Variants in ARHGAP35 observed in about 807,000 individuals in gnomAD.
The protein encoded by ARHGAP35 is rho GTPase-activating protein 35.
A neutral mutation model predicts 111.1 loss-of-function variants in ARHGAP35; 15 were observed. The ratio of observed to expected loss-of-function variants is 0.13; its 90% CI spans 0.09 to 0.21. The LOEUF (loss-of-function observed/expected upper bound fraction) is 0.21, where lower values mean the gene tolerates loss of function less well. ARHGAP35 is among the 10% of genes least tolerant of loss of function. The pLI is 1.00. For missense variants in ARHGAP35, 1,262 were observed against 1,873.0 expected (o/e 0.67, Z 6.02); for synonymous variants, 643 against 710.3 (o/e 0.91, Z 1.51).
intron 1 of ARHGAP35, among the ~76,000 whole-genome samples, chr19:46,866,987 T>C (rs2055861222): frequency 6.6e-6 from 1 of 152,194 alleles, no homozygotes; most frequent in Non-Finnish European, 1.5e-5. Flanking sequence ...TGCAAACAAA[T>C]AATTCGTGTT....
At chr19:46,869,741 A>C (rs894308292) in intron 1 of ARHGAP35, among the ~76,000 whole-genome samples, 1 of 152,070 alleles carries the variant, frequency 6.6e-6, no homozygotes, top group Admixed American at 6.6e-5. Context: ...CAAGATTATT[A>C]GATTCTTGAA....
Position 46,986,173 on chromosome 19 carries a change from T to C in ARHGAP35, c.3827-1816T>C, listed in dbSNP as rs770490588. On this transcript the variant is annotated intron_variant, in intron 3 of 6. Coordinates refer to ENST00000672722, the MANE Select transcript of ARHGAP35 (RefSeq NM_004491.5). This position sits in a 1 kb window ranked among gnomAD's most constrained non-coding sequence, Gnocchi z 4.3. ...CCCCATGTCAGTTTTCACAGTGACT[T>C]CACTGTCCTTTCGACAAAGTCCTTG... Among the ~76,000 whole-genome samples, 11 of 152,308 alleles carry C rather than the reference T, an allele frequency of 7.2e-5. No individual in the cohort carries two copies. The highest frequency in any genetic ancestry group is 1.5e-4 in the Non-Finnish European group (10 of 68,014).
chr19:46,978,425 GT>G (rs1245166243), intron 3 of ARHGAP35, among the ~76,000 whole-genome samples: 67 of 152,032 alleles, frequency 4.4e-4, no homozygotes, highest in African/African-American at 1.5e-3. Context: ...TGGGCCTGCC[GT>G]GGAAAGGAAG....
chr19:46,876,012 G>C (rs2055917241), intron 1 of ARHGAP35, among the ~76,000 whole-genome samples: 1 of 152,074 alleles, frequency 6.6e-6, no homozygotes, highest in East Asian at 1.9e-4. Flanking sequence ...GCCTAGGTTT[G>C]AGTCCCAGTC....
At chr19:46,978,957 G>A (rs1206760872) in intron 3 of ARHGAP35, among the ~76,000 whole-genome samples, 4 of 136,760 alleles carry the variant, frequency 2.9e-5, no homozygotes, top group African/African-American at 1.1e-4. Flanking sequence ...GTGTGTGGTG[G>A]GGTTTGGTGG....
At position 46,987,996 on chromosome 19, in the gene ARHGAP35, C is replaced by G; in HGVS notation, c.3834C>G (p.Ser1278Arg). Residue 1278 changes from serine (S) to arginine (R), a missense_variant, in exon 4 of 7, where the codon AGC becomes AGG. Physicochemically the swap from Ser to Arg is moderately radical, Grantham distance 110. Around this residue, in one of 8 missense-constraint regions of ARHGAP35, gnomAD observed 45 missense variants for 118.2 expected, o/e 0.38. Transcript: ENST00000672722. ...CIEYIEATGL[S>R]TEGIYRVSGN... is the part of the protein sequence containing the mutation. ...CTGCCTGTTTCTCCTCAGGACTGAG[C>G]ACGGAAGGCATCTACCGGGTCAGCG... 6.2e-7 allele frequency: 1 copy of G among 1,613,790 alleles called. No individual in the cohort carries two copies. The highest frequency in any genetic ancestry group is 1.1e-5 in the South Asian group (1 of 91,060).
intron 3 of ARHGAP35, among the ~76,000 whole-genome samples, chr19:46,952,998 G>A (rs533918083): frequency 1.3e-5 from 2 of 152,132 alleles, no homozygotes; most frequent in African/African-American, 4.8e-5. Context: ...CTCTTTAAGT[G>A]GTCCTTTGTG....
At chr19:46,866,807 ATTACT>A (rs977386136) in intron 1 of ARHGAP35, among the ~76,000 whole-genome samples, 5 of 152,150 alleles carry the variant, frequency 3.3e-5, no homozygotes, top group African/African-American at 1.2e-4. Flanking sequence ...TCACATGGAG[ATTACT>A]TTATAATTTA....
intron 2 of ARHGAP35, among the ~76,000 whole-genome samples, chr19:46,936,404 C>T (rs968656130): frequency 5.9e-5 from 9 of 152,122 alleles, no homozygotes; most frequent in East Asian, 1.9e-4. Flanking sequence ...TTTGATTAGT[C>T]GACTTTACCT....
intron 1 of ARHGAP35, among the ~76,000 whole-genome samples, chr19:46,913,748 T>G (rs2056150355): frequency 6.6e-6 from 1 of 152,176 alleles, no homozygotes; most frequent in Non-Finnish European, 1.5e-5. Context: ...AAGATAAAAG[T>G]AATTACCATT....
chr19:46,952,877 C>T (rs572471038), intron 3 of ARHGAP35, among the ~76,000 whole-genome samples: 4 of 152,180 alleles, frequency 2.6e-5, no homozygotes, highest in South Asian at 2.1e-4. Context: ...GGGGATTCGC[C>T]GTGTTGCCCA....
intron 3 of ARHGAP35, among the ~76,000 whole-genome samples, chr19:46,983,502 T>G (rs2056632129): frequency 6.6e-6 from 1 of 152,024 alleles, no homozygotes; most frequent in African/African-American, 2.4e-5. Flanking sequence ...GATGGTTGTC[T>G]GGTGAGAGGA....
At chr19:46,981,775 C>G (rs1444739541) in intron 3 of ARHGAP35, among the ~76,000 whole-genome samples, 12 of 152,326 alleles carry the variant, frequency 7.9e-5, no homozygotes, top group Non-Finnish European at 2.9e-5. Flanking sequence ...TCCCCACCAG[C>G]TCTCACCGGA....
In ARHGAP35 at chr19:46,937,551, T is replaced by C. The variant is rs1390471391; in HGVS notation, c.3826+143T>C. ...AGAAGGAGCTGAGCAGTCCCAACAGTTGTCAGATGTGTAGATTCTCCATTT... is the reference window on the plus strand; with the variant it reads ...AGAAGGAGCTGAGCAGTCCCAACAGCTGTCAGATGTGTAGATTCTCCATTT... On this transcript the variant is annotated intron_variant, in intron 3 of 6. Coordinates refer to ENST00000672722, the MANE Select transcript of ARHGAP35 (RefSeq NM_004491.5). The C allele has an allele frequency of 1.0e-5, 9 of 903,530 alleles. 1 individual carries two copies. The highest frequency in any genetic ancestry group is 1.4e-5 in the Non-Finnish European group (8 of 591,354). The allele number at this position is 903,530 out of a possible 1,614,324, so 56.0% of individuals were successfully genotyped here. A position where few individuals can be genotyped will look rare whatever the true frequency, so the allele number is the denominator to read the frequency against.
chr19:47,001,700 C>T lies in ARHGAP35; in HGVS notation c.*1012C>T, dbSNP rs557283541. The T allele has an allele frequency of 5.4e-5, 18 of 335,752 alleles. No individual in the cohort carries two copies. Among genetic ancestry groups the T allele is most frequent in the East Asian group, 7.8e-5 (1 of 12,802 alleles). 20.8% of individuals were successfully genotyped at this position (335,752 alleles called of 1,614,324 possible). ...GGCTGCCCCAGAACACAGTCCATTA[C>T]GATAGAAACACTAATTGAGCATGTG... On this transcript the variant is annotated 3_prime_UTR_variant, in exon 7 of 7. Transcript: ENST00000672722. This position sits in a 1 kb window ranked among gnomAD's most constrained non-coding sequence, Gnocchi z 5.4.
At chr19:46,987,218 C>CTT (rs370500363) in intron 3 of ARHGAP35, among the ~76,000 whole-genome samples, 93 of 115,576 alleles carry the variant, frequency 8.0e-4, no homozygotes, top group South Asian at 1.1e-3. Context: ...TCTTTTTTTT[C>CTT]TTTTTTTTTT....
chr19:46,962,646 G>A (rs1029844800), intron 3 of ARHGAP35, among the ~76,000 whole-genome samples: 7 of 152,154 alleles, frequency 4.6e-5, no homozygotes, highest in East Asian at 1.9e-4. Context: ...TCGCTTTGTC[G>A]CCCAGGCTGG....
intron 3 of ARHGAP35, among the ~76,000 whole-genome samples, chr19:46,942,240 T>C (rs1389499326): frequency 6.6e-6 from 1 of 152,228 alleles, no homozygotes; most frequent in African/African-American, 2.4e-5. Context: ...ATGTTTCTTG[T>C]AGTCTTATTT....
Position 47,001,643 on chromosome 19 carries a change from G to A in ARHGAP35, c.*955G>A. On this transcript the variant is annotated 3_prime_UTR_variant, in exon 7 of 7. Coordinates refer to ENST00000672722, the MANE Select transcript of ARHGAP35 (RefSeq NM_004491.5). This position sits in a 1 kb window ranked among gnomAD's most constrained non-coding sequence, Gnocchi z 5.4. Reference sequence around the variant, plus strand: ...AGGGTTCGAGCCCTTGGTGGGGACAGCTGGGGAGATGGCAGTGCAGGCTGG... The same window carrying A: ...AGGGTTCGAGCCCTTGGTGGGGACAACTGGGGAGATGGCAGTGCAGGCTGG... 2.8e-6 allele frequency: 1 copy of A among 358,628 alleles called. No homozygotes were observed. Among genetic ancestry groups the A allele is most frequent in the South Asian group, 2.2e-5 (1 of 46,216 alleles). The allele number at this position is 358,628 out of a possible 1,614,324, so 22.2% of individuals were successfully genotyped here. A position where few individuals can be genotyped will look rare whatever the true frequency, so the allele number is the denominator to read the frequency against.
Sources: allele counts gnomAD v4.1 joint callset (sites outside exome capture counted in the v4.1 genomes callset), GRCh38; gene constraint gnomAD v4.1.1; regional missense constraint gnomAD v4.1.1; non-coding constraint Gnocchi (gnomAD v3.1); transcripts MANE v1.5; gene names NCBI Gene and HGNC (gene_info 2026-07-23, HGNC 2026-07-21).